PAK5: variants seen among roughly 807,000 people sequenced by gnomAD.
The protein encoded by PAK5 is serine/threonine-protein kinase PAK 5.
PAK5 carries 16 observed loss-of-function variants against 65.9 expected under a neutral mutation model. The ratio of observed to expected loss-of-function variants is 0.24; its 90% CI spans 0.16 to 0.37. PAK5 has a LOEUF of 0.37. Ranked by LOEUF, PAK5 falls within the 10% of genes least tolerant of loss-of-function variation. The pLI, the probability that PAK5 is intolerant of heterozygous loss-of-function variation, is 1.00. For missense variants in PAK5, 785 were observed against 903.9 expected (o/e 0.87, Z 1.69); for synonymous variants, 371 against 354.9 (o/e 1.05, Z -0.51).
chr20:9,688,618 C>T lies in PAK5; in HGVS notation c.-12+22668G>A, dbSNP rs1247971474. Among the ~76,000 whole-genome samples, 6 of 151,676 alleles carry T rather than the reference C, an allele frequency of 4.0e-5. No individual in the cohort carries two copies. In the East Asian group the frequency reaches 1.2e-3, roughly 30 times the overall value. On this transcript the variant is annotated intron_variant, in intron 2 of 9. Transcript: ENST00000353224. ...AAGCAAAGCCAGGGACAAGCAGAGA[C>T]CAGGAAACATTGGTAATTCCTCCCA...
At chr20:9,540,830 A>G (rs949626909) in intron 9 of PAK5, among the ~76,000 whole-genome samples, 2 of 149,476 alleles carry the variant, frequency 1.3e-5, no homozygotes, top group African/African-American at 2.5e-5. Flanking sequence ...TCTGCCTCCC[A>G]GGTTCACGCC....
At chr20:9,798,869 C>A (rs1736973114) in intron 1 of PAK5, among the ~76,000 whole-genome samples, 2 of 152,114 alleles carry the variant, frequency 1.3e-5, no homozygotes, top group Admixed American at 6.6e-5. Flanking sequence ...TCTTGGGCCC[C>A]ACCCCAGATC....
intron 1 of PAK5, among the ~76,000 whole-genome samples, chr20:9,817,268 T>C (rs555182066): frequency 1.3e-5 from 2 of 152,336 alleles, no homozygotes; most frequent in African/African-American, 2.4e-5. Context: ...CGTATAATTT[T>C]TTTAAAAATC....
At chr20:9,687,913 GT>G (rs1020020201) in intron 2 of PAK5, among the ~76,000 whole-genome samples, 6 of 148,808 alleles carry the variant, frequency 4.0e-5, no homozygotes, top group African/African-American at 1.5e-4. Context: ...GTGTGTGTGT[GT>G]TATGTGTGTG....
chr20:9,736,595 C>A (rs1040595050), intron 1 of PAK5, among the ~76,000 whole-genome samples: 2 of 152,120 alleles, frequency 1.3e-5, no homozygotes, highest in Admixed American at 1.3e-4. Context: ...AGTTGTTTAA[C>A]CTTTAAAATG....
intron 3 of PAK5, among the ~76,000 whole-genome samples, chr20:9,599,757 T>C: frequency 6.6e-6 from 1 of 152,172 alleles, no homozygotes; most frequent in East Asian, 1.9e-4. Context: ...TGGGTATTAA[T>C]CCCTTATCAG....
chr20:9,721,964 G>T (rs1028835955), intron 1 of PAK5, among the ~76,000 whole-genome samples: 4 of 152,122 alleles, frequency 2.6e-5, no homozygotes, highest in African/African-American at 9.7e-5. Context: ...TAGCTGTAAT[G>T]CTTCTAGAAC....
chr20:9,705,759 A>G (rs1207232586), intron 2 of PAK5, among the ~76,000 whole-genome samples: 1 of 152,198 alleles, frequency 6.6e-6, no homozygotes, highest in Non-Finnish European at 1.5e-5. Context: ...ACCATTTTTC[A>G]TAATAGCAGA....
chr20:9,803,703 C>A lies in PAK5; in HGVS notation c.-162+35059G>T, dbSNP rs149798183. 5.4e-4 allele frequency among the ~76,000 whole-genome samples: 82 copies of A among 152,222 alleles called. 1 individual carries two copies. In the East Asian group the frequency reaches 0.015, roughly 28 times the overall value. ...AAGTATCATTGTAAGAGAAAAATAA[C>A]CTGCTAATACACCTCTTCTGGAAAC... On this transcript the variant is annotated intron_variant, in intron 1 of 9. Transcript: ENST00000353224.
chr20:9,797,328 G>T (rs1356341284), intron 1 of PAK5, among the ~76,000 whole-genome samples: 1 of 151,860 alleles, frequency 6.6e-6, no homozygotes, highest in East Asian at 1.9e-4. Context: ...AAAAAATGAT[G>T]AGTTCATGTC....
At position 9,538,448 on chromosome 20, in the gene PAK5, G is replaced by C. The variant is rs915966735; in HGVS notation, c.*1014C>G. On this transcript the variant is annotated 3_prime_UTR_variant, in exon 10 of 10. Transcript: ENST00000353224. The stretch of plus-strand genomic sequence containing the variant: ...CAAATGAAACCAAACGTCTTGCCCT[G>C]TTCTCTCCTCTCCCTTTGTGAGCCT... The C allele has an allele frequency of 4.3e-6, 1 of 233,438 alleles. No homozygotes were observed. Among genetic ancestry groups the C allele is most frequent in the Non-Finnish European group, 8.5e-6 (1 of 117,972 alleles). The allele number at this position is 233,438 out of a possible 1,614,324, so 14.5% of individuals were successfully genotyped here.
intron 3 of PAK5, among the ~76,000 whole-genome samples, chr20:9,615,787 G>T (rs760852740): frequency 2.6e-4 from 40 of 152,332 alleles, no homozygotes; most frequent in Non-Finnish European, 4.9e-4. Flanking sequence ...CCACCTGAGG[G>T]CACAAGGGCC....
At chr20:9,564,186 T>C (rs904436773) in intron 5 of PAK5, among the ~76,000 whole-genome samples, 4 of 152,200 alleles carry the variant, frequency 2.6e-5, no homozygotes, top group Non-Finnish European at 4.4e-5. Flanking sequence ...ATAAAATTAC[T>C]AAAAGAATAT....
At chr20:9,678,148 A>G (rs2047600098) in intron 2 of PAK5, among the ~76,000 whole-genome samples, 1 of 152,050 alleles carries the variant, frequency 6.6e-6, no homozygotes, top group South Asian at 2.1e-4. Flanking sequence ...GTTGTTCACA[A>G]CCTTGTGTCT....
chr20:9,708,991 A>C (rs1008929418), intron 2 of PAK5, among the ~76,000 whole-genome samples: 4 of 152,062 alleles, frequency 2.6e-5, no homozygotes, highest in African/African-American at 9.7e-5. Flanking sequence ...CTGAATAAAC[A>C]CCACTCCATT....
chr20:9,801,882 T>C (rs962013388), intron 1 of PAK5, among the ~76,000 whole-genome samples: 1 of 152,144 alleles, frequency 6.6e-6, no homozygotes, highest in African/African-American at 2.4e-5. Context: ...ATTGCTACTT[T>C]ATCTGGGAGT....
At chr20:9,637,090 A>G (rs902170861) in intron 3 of PAK5, among the ~76,000 whole-genome samples, 1 of 152,130 alleles carries the variant, frequency 6.6e-6, no homozygotes, top group African/African-American at 2.4e-5. Flanking sequence ...AGCTTTGACC[A>G]CCTAGGCTCA....
chr20:9,739,525 C>T (rs1398757343), intron 1 of PAK5, among the ~76,000 whole-genome samples: 1 of 152,002 alleles, frequency 6.6e-6, no homozygotes, highest in African/African-American at 2.4e-5. Flanking sequence ...CACTAAATTA[C>T]CTGCCCAAGG....
chr20:9,550,272 G>A (rs2122920950), intron 7 of PAK5, among the ~76,000 whole-genome samples: 1 of 152,308 alleles, frequency 6.6e-6, no homozygotes, highest in African/African-American at 2.4e-5. Context: ...TGAGTGAAGA[G>A]GCTGCAACTG....
Sources: gnomAD v4.1 joint callset for allele counts (sites outside exome capture counted in the v4.1 genomes callset) on GRCh38, gnomAD v4.1.1 for gene constraint, MANE v1.5 for transcripts, NCBI Gene and HGNC (gene_info 2026-07-23, HGNC 2026-07-21) for gene names.